NEGR1: variants seen among roughly 807,000 people sequenced by gnomAD.
The protein encoded by NEGR1 is neuronal growth regulator 1, also known as IgLON family member 4.
In NEGR1, 10 loss-of-function variants were observed where a neutral mutation model predicts 40.9. That is an observed-to-expected ratio of 0.24 (90% CI 0.15 to 0.42). The LOEUF (loss-of-function observed/expected upper bound fraction) is 0.42. NEGR1 is among the 10% of genes least tolerant of loss of function. The pLI is 1.00. For missense variants in NEGR1, 352 were observed against 438.9 expected (o/e 0.80, Z 1.77); for synonymous variants, 185 against 166.8 (o/e 1.11, Z -0.84).
intron 2 of NEGR1, among the ~76,000 whole-genome samples, chr1:71,788,909 CT>C (rs1455304000): frequency 1.3e-5 from 2 of 151,748 alleles, no homozygotes; most frequent in East Asian, 3.9e-4. Flanking sequence ...TTTCCAGTAG[CT>C]TATATATTAT....
chr1:71,812,249 A>G (rs1020673730), intron 2 of NEGR1, among the ~76,000 whole-genome samples: 1 of 152,116 alleles, frequency 6.6e-6, no homozygotes. Context: ...ATGGCTGTAC[A>G]GTATTCCATG....
chr1:71,721,975 G>A (rs1654524908), intron 3 of NEGR1, among the ~76,000 whole-genome samples: 1 of 152,094 alleles, frequency 6.6e-6, no homozygotes, highest in Non-Finnish European at 1.5e-5. Flanking sequence ...GGGAAGAGAA[G>A]CATGAGATGA....
At chr1:71,719,337 TAAATG>T (rs1006927667) in intron 3 of NEGR1, among the ~76,000 whole-genome samples, 2 of 152,130 alleles carry the variant, frequency 1.3e-5, no homozygotes, top group African/African-American at 4.8e-5. Flanking sequence ...AAAAGATAAT[TAAATG>T]AAAGAACAAT....
intron 1 of NEGR1, among the ~76,000 whole-genome samples, chr1:72,054,624 T>A (rs529067726): frequency 1.8e-4 from 27 of 151,360 alleles, no homozygotes; most frequent in African/African-American, 6.5e-4. Flanking sequence ...AGTCTTCTAA[T>A]CTTTGCCATC....
In NEGR1 at chr1:71,969,027, T is replaced by G. The variant is rs141424681; in HGVS notation, c.177-33716A>C. On this transcript the variant is annotated intron_variant, in intron 1 of 6. Transcript: ENST00000357731. The stretch of plus-strand genomic sequence containing the variant: ...ATATGTTTTTTTTGTTTTTGTTTTT[T>G]TTTTGAGACAGAGTTTCGCTCTTGT... Among the ~76,000 whole-genome samples the G allele has an allele frequency of 7.1e-3, 1,077 of 152,168 alleles. 4 individuals are homozygous for G. Among genetic ancestry groups the G allele is most frequent in the Middle Eastern group, 0.037 (11 of 294 alleles).
rs150988128 is a variant in NEGR1, at chr1:72,021,898, G to A, written c.177-86587C>T. ...CGCCTGTAATCCCAGCACTTTGGGA[G>A]GCCGAGGCGGGCGGATCATGAGGTC... On this transcript the variant is annotated intron_variant, in intron 1 of 6. Transcript: ENST00000357731. Among the ~76,000 whole-genome samples the A allele has an allele frequency of 6.9e-3, 1,053 of 152,272 alleles. 15 individuals are homozygous for A. Among genetic ancestry groups the A allele is most frequent in the African/African-American group, 0.024 (990 of 41,576 alleles).
chr1:72,136,898 G>GA (rs1021870544), intron 1 of NEGR1, among the ~76,000 whole-genome samples: 275 of 151,050 alleles, frequency 1.8e-3, no homozygotes, highest in African/African-American at 6.1e-3. Flanking sequence ...AACAATACAA[G>GA]AAAAAAAACA....
At chr1:72,105,440 C>A (rs905645006) in intron 1 of NEGR1, among the ~76,000 whole-genome samples, 6 of 151,898 alleles carry the variant, frequency 4.0e-5, no homozygotes, top group African/African-American at 1.5e-4. Context: ...CTGGCTCAAG[C>A]CTGCAATTCC....
intron 4 of NEGR1, among the ~76,000 whole-genome samples, chr1:71,665,464 T>A (rs1024607662): frequency 6.6e-6 from 1 of 152,200 alleles, no homozygotes; most frequent in South Asian, 2.1e-4. Context: ...GATCCTGCCA[T>A]GTGACAAACA....
intron 6 of NEGR1, among the ~76,000 whole-genome samples, chr1:71,478,582 G>T (rs559786827): frequency 6.6e-6 from 1 of 152,052 alleles, no homozygotes; most frequent in African/African-American, 2.4e-5. Flanking sequence ...GGGTAGGAAT[G>T]GTCCCCTGCC....
intron 5 of NEGR1, among the ~76,000 whole-genome samples, chr1:71,597,238 G>A (rs945793843): frequency 6.6e-5 from 10 of 151,894 alleles, no homozygotes; most frequent in Non-Finnish European, 1.0e-4. Context: ...ATCAAATTAC[G>A]ATTAAATGCC....
At chr1:71,857,728 A>G (rs543655490) in intron 2 of NEGR1, among the ~76,000 whole-genome samples, 10 of 151,790 alleles carry the variant, frequency 6.6e-5, no homozygotes, top group Non-Finnish European at 1.3e-4. Context: ...AAAGCTCTAC[A>G]GAAATATATG....
chr1:71,799,921 C>G (rs1213260144), intron 2 of NEGR1, among the ~76,000 whole-genome samples: 1 of 152,060 alleles, frequency 6.6e-6, no homozygotes, highest in Non-Finnish European at 1.5e-5. Flanking sequence ...ACCGTATTAG[C>G]CAGAATGGTC....
chr1:71,971,647 A>C (rs1646257549), intron 1 of NEGR1, among the ~76,000 whole-genome samples: 1 of 152,226 alleles, frequency 6.6e-6, no homozygotes. Context: ...CATCACATCC[A>C]AATTGATCAT....
chr1:71,942,704 G>A (rs1251005507), intron 1 of NEGR1, among the ~76,000 whole-genome samples: 1 of 140,374 alleles, frequency 7.1e-6, no homozygotes, highest in African/African-American at 2.6e-5. Flanking sequence ...GGGTTTCACC[G>A]TTTTAGCCGG....
At chr1:71,487,096 C>T (rs925791415) in intron 6 of NEGR1, 6 of 151,522 alleles carry the variant, frequency 4.0e-5, no homozygotes, top group Admixed American at 3.3e-4. Context: ...ACTTAAGTCG[C>T]TTAAAAATGA....
intron 6 of NEGR1, among the ~76,000 whole-genome samples, chr1:71,553,069 C>A (rs1297045082): frequency 1.3e-5 from 2 of 151,390 alleles, no homozygotes; most frequent in African/African-American, 2.4e-5. Flanking sequence ...AAAACCTAGG[C>A]AATTTCCTGT....
At position 71,406,380 on chromosome 1, in the gene NEGR1, T is replaced by A. The variant is rs1019617582; in HGVS notation, c.*1066A>T. On this transcript the variant is annotated 3_prime_UTR_variant, in exon 7 of 7. Transcript: ENST00000357731. ...CTTAGCTGCCACAAAATAAAATTAA[T>A]GATGAGCGCTTACCAACTCTTGTAA... 1 of 151,904 alleles carries A rather than the reference T, an allele frequency of 6.6e-6. No individual in the cohort carries two copies. The highest frequency in any genetic ancestry group is 2.4e-5 in the African/African-American group (1 of 41,424). The allele number at this position is 151,904 out of a possible 1,614,324, so 9.4% of individuals were successfully genotyped here. A position where few individuals can be genotyped will look rare whatever the true frequency, so the allele number is the denominator to read the frequency against.
chr1:71,707,822 T>G (rs1653954849), intron 3 of NEGR1, among the ~76,000 whole-genome samples: 2 of 152,188 alleles, frequency 1.3e-5, no homozygotes, highest in Middle Eastern at 3.4e-3. Context: ...GATTGTATGT[T>G]TGTGAGAAAG....
Sources: gnomAD v4.1 joint callset for allele counts (sites outside exome capture counted in the v4.1 genomes callset) on GRCh38, gnomAD v4.1.1 for gene constraint, MANE v1.5 for transcripts, NCBI Gene and HGNC (gene_info 2026-07-23, HGNC 2026-07-21) for gene names.